STAT3: variants seen among roughly 807,000 people sequenced by gnomAD.
The protein encoded by STAT3 is signal transducer and activator of transcription 3.
A neutral mutation model predicts 114.3 loss-of-function variants in STAT3; 7 were observed. That is an observed-to-expected ratio of 0.06 (90% CI 0.03 to 0.11). The LOEUF (loss-of-function observed/expected upper bound fraction) is 0.11. STAT3 is among the 10% of genes least tolerant of loss of function. STAT3 has a pLI of 1.00. For missense variants in STAT3, 364 were observed against 960.9 expected, an observed-to-expected ratio of 0.38 and a Z score of 8.21; for synonymous variants, 331 against 354.5, an observed-to-expected ratio of 0.93 and a Z score of 0.74.
chr17:42,334,317 A>G (rs939831087), intron 8 of STAT3, among the ~76,000 whole-genome samples: 8 of 151,674 alleles, frequency 5.3e-5, no homozygotes, highest in African/African-American at 1.7e-4. Flanking sequence ...TTATTTATTT[A>G]TTTTTTGAGC....
chr17:42,356,189 G>T (rs968181852), intron 1 of STAT3, among the ~76,000 whole-genome samples: 5 of 152,142 alleles, frequency 3.3e-5, no homozygotes, highest in Non-Finnish European at 5.9e-5. Context: ...CCTTTTAAGA[G>T]ATATGTTTGA....
intron 1 of STAT3, among the ~76,000 whole-genome samples, chr17:42,372,389 T>C (rs1039149302): frequency 6.6e-6 from 1 of 152,152 alleles, no homozygotes; most frequent in East Asian, 1.9e-4. Context: ...AGAAACAACC[T>C]ATCAAGCCAC....
intron 15 of STAT3, 158 bp from the exon 16 acceptor site, chr17:42,325,219 T>A (rs1010188705): frequency 1.5e-5 from 10 of 664,766 alleles, no homozygotes; most frequent in Non-Finnish European, 2.6e-5. Flanking sequence ...GTCAGCTCAG[T>A]GAGCACTCAT....
chr17:42,372,309 T>G (rs1418276946), intron 1 of STAT3, among the ~76,000 whole-genome samples: 1 of 152,172 alleles, frequency 6.6e-6, no homozygotes, highest in African/African-American at 2.4e-5. Flanking sequence ...AAGATGTCTA[T>G]CCTTCAGGTG....
In STAT3 at chr17:42,324,852, G is replaced by A; in HGVS notation, c.1465-6C>T. 1 of 1,614,100 alleles carries A rather than the reference G, an allele frequency of 6.2e-7. No homozygotes were observed. ...TTGGTAAAAAAGTTTACATTCTATT[G>A]GAAAGAACACATTTGCTTGTTTAGA... On this transcript the variant is annotated splice_region_variant and splice_polypyrimidine_tract_variant and intron_variant, in intron 16 of 23. Transcript: ENST00000264657. The surrounding 1 kb of genome is among the most constrained non-coding windows in gnomAD (Gnocchi z 4.5).
At chr17:42,364,201 T>C (rs184049821) in intron 1 of STAT3, among the ~76,000 whole-genome samples, 2 of 152,310 alleles carry the variant, frequency 1.3e-5, no homozygotes, top group Admixed American at 1.3e-4. Context: ...GGCATCAACA[T>C]GACAACTGCA....
intron 2 of STAT3, 22 bp downstream of exon 2, chr17:42,348,367 G>T (rs1390302251): frequency 1.9e-6 from 3 of 1,613,924 alleles, no homozygotes; most frequent in Non-Finnish European, 2.5e-6. Flanking sequence ...ACAATTTGGA[G>T]AGTCACTTAA....
At chr17:42,371,219 TAA>T (rs1051342404) in intron 1 of STAT3, among the ~76,000 whole-genome samples, 57 of 152,090 alleles carry the variant, frequency 3.7e-4, no homozygotes, top group Admixed American at 3.7e-3. Flanking sequence ...GAGAAAAGTT[TAA>T]GAGTTATATT....
intron 8 of STAT3, among the ~76,000 whole-genome samples, chr17:42,334,540 G>A (rs550970260): frequency 6.8e-6 from 1 of 147,214 alleles, no homozygotes; most frequent in African/African-American, 2.5e-5. Flanking sequence ...CGCCTCCCAA[G>A]TTCAAGTGAT....
In STAT3 at chr17:42,379,886, T is replaced by C. The variant is rs899754930; in HGVS notation, c.-24+8393A>G. Among the ~76,000 whole-genome samples the C allele has an allele frequency of 3.3e-5, 5 of 152,144 alleles. No individual in the cohort carries two copies. The East Asian group carries it at 9.6e-4, about 29-fold the overall frequency. On this transcript the variant is annotated intron_variant, in intron 1 of 23. Transcript: ENST00000264657. ...ACAGAATGTAAGTCCCCCATCCCTA[T>C]TCATTTAGTTTTTTTCCCATTAGGT...
chr17:42,315,062 G>T lies in STAT3; in HGVS notation c.*683C>A, dbSNP rs970029187. On this transcript the variant is annotated 3_prime_UTR_variant, in exon 24 of 24. Transcript: ENST00000264657. Reference sequence around the variant, plus strand: ...CTTTTAGTAGAGACGGGGTTTCACCGTGTTAGCCAGGATGGTCTTGATCTC... The same window carrying T: ...CTTTTAGTAGAGACGGGGTTTCACCTTGTTAGCCAGGATGGTCTTGATCTC... 5.5e-6 allele frequency: 1 copy of T among 181,434 alleles called. No individual in the cohort carries two copies. Among genetic ancestry groups the T allele is most frequent in the African/African-American group, 2.4e-5 (1 of 42,338 alleles). The allele number at this position is 181,434 out of a possible 1,614,324, so 11.2% of individuals were successfully genotyped here.
chr17:42,324,562 C>T lies in STAT3; in HGVS notation c.1600+149G>A. 1 of 1,167,574 alleles carries T rather than the reference C, an allele frequency of 8.6e-7. No individual in the cohort carries two copies. The highest frequency in any genetic ancestry group is 2.2e-5 in the Admixed American group (1 of 45,642). The allele number at this position is 1,167,574 out of a possible 1,614,324, so 72.3% of individuals were successfully genotyped here. ...CTGTCTCTGCACCCCAACTCCCCAA[C>T]TCCCCTGTTTCCTGGCACCAGCACA... On this transcript the variant is annotated intron_variant, in intron 17 of 23. Coordinates refer to ENST00000264657, the MANE Select transcript of STAT3 (RefSeq NM_139276.3). The surrounding 1 kb of genome is among the most constrained non-coding windows in gnomAD (Gnocchi z 4.5).
intron 1 of STAT3, among the ~76,000 whole-genome samples, chr17:42,386,008 G>A (rs564741350): frequency 4.1e-4 from 63 of 152,086 alleles, no homozygotes; most frequent in Admixed American, 2.6e-3. Context: ...CTTACTGGGC[G>A]CGGTGGCTCA....
intron 14 of STAT3, 85 bp downstream of exon 14, chr17:42,329,325 T>C (rs1160992039): frequency 6.3e-7 from 1 of 1,586,224 alleles, no homozygotes; most frequent in Non-Finnish European, 8.6e-7. Context: ...TTGATGTTTC[T>C]AATTCTGGGG....
At chr17:42,342,446 G>A (rs1384760786) in intron 4 of STAT3, among the ~76,000 whole-genome samples, 2 of 151,576 alleles carry the variant, frequency 1.3e-5, no homozygotes, top group Non-Finnish European at 2.9e-5. Flanking sequence ...TCGCGTCACT[G>A]CACTCCGGCC....
At chr17:42,331,566 C>A in intron 10 of STAT3, 35 bp from the exon 11 acceptor site, 1 of 1,530,660 alleles carries the variant, frequency 6.5e-7, no homozygotes, top group South Asian at 1.1e-5. Context: ...GAAAAAAAGT[C>A]AGTAACTCTC....
At chr17:42,332,004 C>T (rs1246817858) in intron 10 of STAT3, among the ~76,000 whole-genome samples, 2 of 151,782 alleles carry the variant, frequency 1.3e-5, no homozygotes, top group African/African-American at 2.4e-5. Context: ...CTCCGTTCAC[C>T]GCAACCTCCG....
At chr17:42,365,059 C>T (rs1451107930) in intron 1 of STAT3, among the ~76,000 whole-genome samples, 1 of 152,122 alleles carries the variant, frequency 6.6e-6, no homozygotes, top group East Asian at 1.9e-4. Flanking sequence ...GATAACATGG[C>T]CCTAAATTCT....
intron 21 of STAT3, among the ~76,000 whole-genome samples, chr17:42,321,445 T>C (rs76094424): frequency 3.3e-5 from 5 of 152,054 alleles, no homozygotes; most frequent in Non-Finnish European, 5.9e-5. Context: ...ATATATAACA[T>C]ATAAGTACAT....
Sources: allele counts gnomAD v4.1 joint callset (sites outside exome capture counted in the v4.1 genomes callset), GRCh38; gene constraint gnomAD v4.1.1; non-coding constraint Gnocchi (gnomAD v3.1); transcripts MANE v1.5; gene names NCBI Gene and HGNC (gene_info 2026-07-23, HGNC 2026-07-21).